PHLPP1: variants seen among roughly 807,000 people sequenced by gnomAD.
The protein encoded by PHLPP1 is PH domain leucine-rich repeat-containing protein phosphatase 1.
In PHLPP1, 42 loss-of-function variants were observed where a neutral mutation model predicts 117.2. The ratio of observed to expected loss-of-function variants is 0.36; its 90% CI spans 0.28 to 0.46. PHLPP1 has a LOEUF of 0.46. Among genes scored for constraint, PHLPP1 ranks in the 20% least tolerant of loss-of-function variants. The pLI is 1.00. For synonymous variants in PHLPP1, 1,042 were observed against 970.7 expected (o/e 1.07, Z -1.37); for missense variants, 2,084 against 2,241.9 (o/e 0.93, Z 1.42).
chr18:62,891,999 T>C (rs1916428855), intron 4 of PHLPP1, among the ~76,000 whole-genome samples: 1 of 150,788 alleles, frequency 6.6e-6, no homozygotes, highest in Admixed American at 6.6e-5. Context: ...ACTTTTTAAA[T>C]GAAAAAACAG....
chr18:62,902,923 C>T (rs1916759345), intron 6 of PHLPP1, 41 bp from the exon 7 acceptor site: 9 of 1,209,354 alleles, frequency 7.4e-6, no homozygotes, highest in Non-Finnish European at 8.5e-6. Flanking sequence ...TTACTTATAG[C>T]ATTGCAGTTA....
chr18:62,755,982 T>TCCC lies in PHLPP1; in HGVS notation c.1576+38731_1576+38733dup, dbSNP rs35142218. On this transcript the variant is annotated intron_variant, in intron 1 of 16. Coordinates refer to ENST00000262719, the MANE Select transcript of PHLPP1 (RefSeq NM_194449.4). Reference sequence around the variant, plus strand: ...ACATGATTTGTGAGAATATTTTTGTTCCCCCCCCCCTTCAATTTGTGCCAA... The same window carrying TCCC: ...ACATGATTTGTGAGAATATTTTTGTTCCCCCCCCCCCCCTTCAATTTGTGCCAA... Among the ~76,000 whole-genome samples, 7 of 143,046 alleles carry TCCC rather than the reference T, an allele frequency of 4.9e-5. 1 individual carries two copies. Among genetic ancestry groups the TCCC allele is most frequent in the African/African-American group, 1.6e-4 (6 of 37,696 alleles). The allele number at this position is 143,046 out of a possible 152,430, so 93.8% of individuals were successfully genotyped here.
chr18:62,843,120 A>C lies in PHLPP1; in HGVS notation c.1899+4211A>C, dbSNP rs375148477. The C allele has an allele frequency of 3.9e-5, 6 of 152,326 alleles. No individual in the cohort carries two copies. In the East Asian group the frequency reaches 9.6e-4, roughly 24 times the overall value. 9.4% of individuals were successfully genotyped at this position (152,326 alleles called of 1,614,324 possible). A position where few individuals can be genotyped will look rare whatever the true frequency, so the allele number is the denominator to read the frequency against. Reference sequence around the variant, plus strand: ...TCATTTAGTAACACTCACTGTTACTATGGAAATGTTTAGTTTCTTTTCTTC... The same window carrying C: ...TCATTTAGTAACACTCACTGTTACTCTGGAAATGTTTAGTTTCTTTTCTTC... On this transcript the variant is annotated intron_variant, in intron 3 of 16. Transcript: ENST00000262719.
chr18:62,940,758 A>C (rs1019534994), intron 10 of PHLPP1, among the ~76,000 whole-genome samples: 3 of 152,220 alleles, frequency 2.0e-5, no homozygotes, highest in Non-Finnish European at 4.4e-5. Flanking sequence ...AGTACAATAT[A>C]AATACAGAAA....
chr18:62,765,276 CT>C (rs1476585060), intron 1 of PHLPP1, among the ~76,000 whole-genome samples: 1 of 152,174 alleles, frequency 6.6e-6, no homozygotes, highest in African/African-American at 2.4e-5. Context: ...TCTGGTCATT[CT>C]CTTTTTCTGT....
intron 4 of PHLPP1, among the ~76,000 whole-genome samples, chr18:62,871,725 G>C (rs1211211548): frequency 6.8e-6 from 1 of 147,702 alleles, no homozygotes; most frequent in Admixed American, 6.9e-5. Flanking sequence ...GCTCACTGCA[G>C]CCTCCATCTC....
chr18:62,924,192 A>G (rs541977421), intron 10 of PHLPP1, among the ~76,000 whole-genome samples: 1 of 152,348 alleles, frequency 6.6e-6, no homozygotes, highest in East Asian at 1.9e-4. Flanking sequence ...TTTGGCAAAT[A>G]GCTGCAGGCA....
At chr18:62,833,492 C>T (rs935748477) in intron 2 of PHLPP1, among the ~76,000 whole-genome samples, 2 of 152,130 alleles carry the variant, frequency 1.3e-5, no homozygotes, top group African/African-American at 4.8e-5. Context: ...TTTCTTCTAC[C>T]TGTGTTCTCT....
intron 6 of PHLPP1, among the ~76,000 whole-genome samples, chr18:62,897,656 G>C (rs906908126): frequency 6.6e-6 from 1 of 151,966 alleles, no homozygotes; most frequent in African/African-American, 2.4e-5. Context: ...ACAAGTGCCC[G>C]CCACCACACC....
intron 4 of PHLPP1, among the ~76,000 whole-genome samples, chr18:62,882,197 T>C (rs543451011): frequency 4.6e-5 from 7 of 151,954 alleles, no homozygotes; most frequent in South Asian, 2.1e-4. Flanking sequence ...ACGAAAGGAA[T>C]TGGAATTTGA....
intron 10 of PHLPP1, among the ~76,000 whole-genome samples, chr18:62,936,587 A>T (rs1463474913): frequency 6.6e-6 from 1 of 152,258 alleles, no homozygotes; most frequent in Non-Finnish European, 1.5e-5. Flanking sequence ...ATCAAAGTTA[A>T]TATCTCCAAT....
chr18:62,923,141 A>C (rs1909526289), intron 10 of PHLPP1, among the ~76,000 whole-genome samples: 1 of 152,138 alleles, frequency 6.6e-6, no homozygotes, highest in Non-Finnish European at 1.5e-5. Flanking sequence ...TCCCCATACA[A>C]ATAGACTGAC....
chr18:62,827,661 T>C (rs1914645957), intron 1 of PHLPP1, among the ~76,000 whole-genome samples: 1 of 152,182 alleles, frequency 6.6e-6, no homozygotes. Flanking sequence ...ACTGGGATCT[T>C]TAGGGTTTTC....
At chr18:62,869,825 C>T (rs537280684) in intron 4 of PHLPP1, among the ~76,000 whole-genome samples, 1 of 152,174 alleles carries the variant, frequency 6.6e-6, no homozygotes, top group Non-Finnish European at 1.5e-5. Context: ...TATGTGGTAT[C>T]GGAGTAACTG....
intron 9 of PHLPP1, among the ~76,000 whole-genome samples, chr18:62,918,153 C>T (rs1164720476): frequency 6.8e-6 from 1 of 146,248 alleles, no homozygotes; most frequent in East Asian, 2.0e-4. Context: ...TTGCAGTGAG[C>T]CAAGATTGCG....
At chr18:62,836,354 C>T (rs952244134) in intron 2 of PHLPP1, among the ~76,000 whole-genome samples, 1 of 151,400 alleles carries the variant, frequency 6.6e-6, no homozygotes, top group Non-Finnish European at 1.5e-5. Flanking sequence ...ATCGCTTGAA[C>T]CTGGGAGGCA....
Position 62,716,810 on chromosome 18 carries a change from C to A in PHLPP1, c.1127C>A (p.Ser376Ter). 1 of 1,526,830 alleles carries A rather than the reference C, an allele frequency of 6.5e-7. No homozygotes were observed. The highest frequency in any genetic ancestry group is 8.8e-7 in the Non-Finnish European group (1 of 1,142,640). The allele number at this position is 1,526,830 out of a possible 1,614,324, so 94.6% of individuals were successfully genotyped here. A position where few individuals can be genotyped will look rare whatever the true frequency, so the allele number is the denominator to read the frequency against. The change falls in exon 1 of 17, where the codon TCG becomes TAG. Residue 376 changes from serine (S) to a stop codon, truncating the protein, a stop_gained. Transcript: ENST00000262719. LOFTEE classifies it high-confidence loss of function. The surrounding 1 kb of genome is among the most constrained non-coding windows in gnomAD (Gnocchi z 5.7). ...AGCGGCGGCGGCTCCTCGTCGTCGT[C>A]GGAAGAGCTCGAGGCCGACGCAGCC... The part of the protein sequence containing the change: ...YSSGGGSSSS[S>*]EELEADAASA...
Position 62,978,157 on chromosome 18 carries a change from TC to T in PHLPP1, c.3985-104del. ...TCCTCTGTGGGCCACACAGCACTTCTCTGTGGTCCTACAGTCGAGACAGTCG... is the reference window on the plus strand; with the variant it reads ...TCCTCTGTGGGCCACACAGCACTTCTTGTGGTCCTACAGTCGAGACAGTCG... On this transcript the variant is annotated intron_variant, in intron 16 of 16. Transcript: ENST00000262719. The surrounding 1 kb of genome is among the most constrained non-coding windows in gnomAD (Gnocchi z 7.0). 4.6e-6 allele frequency: 3 copies of T among 646,074 alleles called. No homozygotes were observed. The highest frequency in any genetic ancestry group is 8.2e-6 in the Non-Finnish European group (3 of 364,812). 40.0% of individuals were successfully genotyped at this position (646,074 alleles called of 1,614,324 possible).
intron 1 of PHLPP1, among the ~76,000 whole-genome samples, chr18:62,721,075 G>A (rs1910901167): frequency 6.6e-6 from 1 of 152,004 alleles, no homozygotes; most frequent in South Asian, 2.1e-4. Flanking sequence ...TTTTTCCCTT[G>A]GTTAAAAGCA....
Sources: gnomAD v4.1 joint callset for allele counts (sites outside exome capture counted in the v4.1 genomes callset) on GRCh38, gnomAD v4.1.1 for gene constraint, Gnocchi (gnomAD v3.1) non-coding constraint, MANE v1.5 for transcripts, NCBI Gene and HGNC (gene_info 2026-07-23, HGNC 2026-07-21) for gene names.